The following KANSL1 variants were observed in gnomAD, a reference collection of about 807,000 sequenced individuals.
KANSL1 encodes KAT8 regulatory NSL complex subunit 1, also known as MLL1/MLL complex subunit KANSL1.
In KANSL1, 22 loss-of-function variants were observed where a neutral mutation model predicts 103.6. That is an observed-to-expected ratio of 0.21 (90% CI 0.15 to 0.30). The LOEUF (loss-of-function observed/expected upper bound fraction) is 0.30. KANSL1 is among the 10% of genes least tolerant of loss of function. KANSL1 has a pLI of 1.00. For synonymous variants in KANSL1, 600 were observed against 527.6 expected, an observed-to-expected ratio of 1.14 and a Z score of -1.88; for missense variants, 1,337 against 1,399.8, an observed-to-expected ratio of 0.96 and a Z score of 0.72.
rs2046300117 is a variant in KANSL1 at position 46,171,687 on chromosome 17, G to T, written c.457C>A (p.Pro153Thr). 1 of 1,554,356 alleles carries T rather than the reference G, an allele frequency of 6.4e-7. No homozygotes were observed. The highest frequency in any genetic ancestry group is 1.4e-5 in the African/African-American group (1 of 72,262). ...TSGQTALPQAPVNGLAKKLTK... is the reference protein window; with the variant it reads ...TSGQTALPQATVNGLAKKLTK... ...AATTTCTTAGCCAACCCATTTACAG[G>T]TGCTTGTGGCAGAGCTGTCTGACCA... The change falls in exon 2 of 15, where the codon CCT (proline) becomes ACT (threonine). Residue 153 changes from proline to threonine, a missense_variant. Physicochemically the swap from Pro to Thr is conservative, Grantham distance 38. Around this residue, in one of 2 missense-constraint regions of KANSL1, gnomAD observed 557 missense variants for 476.4 expected, o/e 1.17. Coordinates refer to ENST00000432791, the MANE Select transcript of KANSL1 (RefSeq NM_015443.4).
At chr17:46,126,723 T>A (rs938238953) in intron 2 of KANSL1, among the ~76,000 whole-genome samples, 12 of 152,230 alleles carry the variant, frequency 7.9e-5, no homozygotes, top group Non-Finnish European at 1.8e-4. Flanking sequence ...TTACTCTTTA[T>A]GTGTGCATAA....
chr17:46,167,057 A>G (rs1215285327), intron 2 of KANSL1, among the ~76,000 whole-genome samples: 1 of 150,144 alleles, frequency 6.7e-6, no homozygotes, highest in South Asian at 2.1e-4. Flanking sequence ...AAAGAAAGGA[A>G]AAAAAAAAAA....
chr17:46,047,070 C>T (rs2146446275), intron 7 of KANSL1, among the ~76,000 whole-genome samples: 1 of 152,280 alleles, frequency 6.6e-6, no homozygotes, highest in African/African-American at 2.4e-5. Context: ...CCACCAGCTC[C>T]TGACTATCCA....
intron 2 of KANSL1, among the ~76,000 whole-genome samples, chr17:46,132,210 G>C (rs531886370): frequency 3.8e-4 from 58 of 152,106 alleles, no homozygotes; most frequent in Non-Finnish European, 7.5e-4. Flanking sequence ...TCAAGAGAAA[G>C]GTCAGGGCAG....
At chr17:46,048,339 G>A (rs62063674) in intron 7 of KANSL1, among the ~76,000 whole-genome samples, 6 of 151,962 alleles carry the variant, frequency 3.9e-5, no homozygotes, top group Admixed American at 2.0e-4. Flanking sequence ...AGGCCGAGGC[G>A]GGTGGATCAC....
chr17:46,096,136 A>ATTCTTT (rs776509440), intron 2 of KANSL1, among the ~76,000 whole-genome samples: 18,294 of 136,116 alleles, frequency 0.13, 1,713 homozygotes, highest in Middle Eastern at 0.21. Context: ...ATGATACTGT[A>ATTCTTT]TTTTTTTTTT....
Position 46,050,513 on chromosome 17 carries a change from T to TA in KANSL1, c.2020+19dup. ...CTCAAGTTTCTTTCATTAGACTTTC[T>TA]AGTCTGTGGTCTTTCTTACCATCTG... On this transcript the variant is annotated intron_variant, in intron 7 of 14. Transcript: ENST00000432791. 6.2e-7 allele frequency: 1 copy of TA among 1,611,070 alleles called. No homozygotes were observed. The highest frequency in any genetic ancestry group is 1.3e-5 in the African/African-American group (1 of 74,982).
At chr17:46,062,118 C>CAACCAAAAA (rs2078190686) in intron 6 of KANSL1, among the ~76,000 whole-genome samples, 2 of 108,780 alleles carry the variant, frequency 1.8e-5, no homozygotes, top group African/African-American at 7.1e-5. Context: ...AACAAACAAA[C>CAACCAAAAA]AAAAAAAAAA....
intron 1 of KANSL1, among the ~76,000 whole-genome samples, chr17:46,191,036 TA>T (rs142370817): frequency 2.6e-5 from 4 of 151,718 alleles, no homozygotes; most frequent in East Asian, 1.9e-4. Context: ...GTATTTACTT[TA>T]AAAAAAAAGT....
intron 1 of KANSL1, among the ~76,000 whole-genome samples, chr17:46,220,442 T>C (rs1288831754): frequency 6.6e-6 from 1 of 152,116 alleles, no homozygotes; most frequent in Non-Finnish European, 1.5e-5. Context: ...GGTCTCGATC[T>C]CCTGACCTCA....
At chr17:46,189,345 G>T (rs2047196770) in intron 1 of KANSL1, among the ~76,000 whole-genome samples, 1 of 152,150 alleles carries the variant, frequency 6.6e-6, no homozygotes, top group East Asian at 1.9e-4. Context: ...TCAAGGAATG[G>T]AACGGAGAGG....
intron 2 of KANSL1, among the ~76,000 whole-genome samples, chr17:46,104,779 G>T (rs898719067): frequency 6.6e-6 from 1 of 152,174 alleles, no homozygotes; most frequent in South Asian, 2.1e-4. Flanking sequence ...ATTTGAGCAT[G>T]AAGATTTTGA....
intron 2 of KANSL1, among the ~76,000 whole-genome samples, chr17:46,138,625 C>T (rs1431342709): frequency 6.6e-6 from 1 of 152,252 alleles, no homozygotes; most frequent in African/African-American, 2.4e-5. Context: ...CCAAACATTT[C>T]ACATCAGAGA....
At chr17:46,053,117 G>A (rs760809560) in intron 6 of KANSL1, among the ~76,000 whole-genome samples, 58 of 150,910 alleles carry the variant, frequency 3.8e-4, no homozygotes, top group Non-Finnish European at 6.6e-4. Context: ...GTGAAACCCC[G>A]TCTCTACTAA....
intron 2 of KANSL1, among the ~76,000 whole-genome samples, chr17:46,140,614 T>C (rs1251152687): frequency 6.6e-6 from 1 of 151,964 alleles, no homozygotes; most frequent in Non-Finnish European, 1.5e-5. Flanking sequence ...ATCCACAGAA[T>C]GGAAGAAAAT....
At chr17:46,038,343 A>C in intron 10 of KANSL1, 195 bp downstream of exon 10, 1 of 616,786 alleles carries the variant, frequency 1.6e-6, no homozygotes, top group Middle Eastern at 4.5e-4. Flanking sequence ...AAACAACTCA[A>C]GAAAAACAAC....
intron 2 of KANSL1, among the ~76,000 whole-genome samples, chr17:46,150,544 T>C (rs1237884627): frequency 1.3e-5 from 2 of 152,266 alleles, no homozygotes; most frequent in East Asian, 3.8e-4. Context: ...ACAGGTATTA[T>C]TGTTTCAAAG....
chr17:46,157,845 AT>A (rs2147574289), intron 2 of KANSL1, among the ~76,000 whole-genome samples: 1 of 152,394 alleles, frequency 6.6e-6, no homozygotes, highest in African/African-American at 2.4e-5. Context: ...AGCCTTTTGA[AT>A]AAGGATCTTG....
intron 2 of KANSL1, among the ~76,000 whole-genome samples, chr17:46,127,684 G>A (rs538642027): frequency 6.6e-6 from 1 of 152,210 alleles, no homozygotes; most frequent in African/African-American, 2.4e-5. Flanking sequence ...AGGCTGAGGT[G>A]GGAGGACTGC....
Sources: gnomAD v4.1 joint callset for allele counts (sites outside exome capture counted in the v4.1 genomes callset) on GRCh38, gnomAD v4.1.1 for gene constraint, gnomAD v4.1.1 regional missense constraint, MANE v1.5 for transcripts, NCBI Gene and HGNC (gene_info 2026-07-23, HGNC 2026-07-21) for gene names.